SPO11: variants seen among roughly 807,000 people sequenced by gnomAD.
SPO11 encodes the protein meiotic recombination protein SPO11.
A neutral mutation model predicts 51.6 loss-of-function variants in SPO11; 49 were observed. The observed-to-expected ratio is 0.95, with a 90% confidence interval of 0.75 to 1.20. The LOEUF (loss-of-function observed/expected upper bound fraction) is 1.20, where lower values mean the gene tolerates loss of function less well. SPO11 is among the 50% of genes most tolerant of loss of function. SPO11 has a pLI of 0.00. For missense variants in SPO11, 431 were observed against 473.4 expected (o/e 0.91, Z 0.83); for synonymous variants, 176 against 158.2 (o/e 1.11, Z -0.84).
intron 11 of SPO11, 45 bp from the exon 12 acceptor site, chr20:57,342,684 A>G (rs756815894): frequency 7.9e-7 from 1 of 1,265,546 alleles, no homozygotes; most frequent in Non-Finnish European, 1.1e-6. Context: ...CATTCAAGTT[A>G]CAGAAACACT....
At chr20:57,331,667 T>C (rs1169575704) in intron 1 of SPO11, among the ~76,000 whole-genome samples, 166 bp from the exon 2 acceptor site, 1 of 152,176 alleles carries the variant, frequency 6.6e-6, no homozygotes, top group Non-Finnish European at 1.5e-5. Flanking sequence ...TTGACATGGA[T>C]TACCTAGTCT....
At chr20:57,333,928 A>G in intron 4 of SPO11, 59 bp from the exon 5 acceptor site, 1 of 1,083,758 alleles carries the variant, frequency 9.2e-7, no homozygotes, top group African/African-American at 1.6e-5. Context: ...ACACTGTAAT[A>G]CTTGTCATAT....
Position 57,334,308 on chromosome 20 carries a change from C to T in SPO11, c.510+213C>T, listed in dbSNP as rs1403138418. ...TAGCTGGGACTACAGGCGCCTGCCA[C>T]CACGCCCGGCTAATTTTTTGTATTG... On this transcript the variant is annotated intron_variant, in intron 5 of 12. Transcript: ENST00000371263. Among the ~76,000 whole-genome samples the T allele has an allele frequency of 3.9e-5, 6 of 152,216 alleles. No homozygotes were observed. The East Asian group carries it at 7.7e-4, about 20-fold the overall frequency.
chr20:57,342,700 A>T, intron 11 of SPO11, 29 bp from the exon 12 acceptor site: 1 of 1,419,924 alleles, frequency 7.0e-7, no homozygotes, highest in African/African-American at 1.4e-5. Context: ...ACACTTTTTT[A>T]CTGATTTTTT....
intron 2 of SPO11, among the ~76,000 whole-genome samples, chr20:57,332,953 T>C (rs1460798621): frequency 6.6e-6 from 1 of 152,136 alleles, no homozygotes; most frequent in African/African-American, 2.4e-5. Context: ...TCAAAGGTGT[T>C]AGCTCATTTA....
At position 57,343,871 on chromosome 20, in the gene SPO11, A is replaced by G. The variant is rs1568766706; in HGVS notation, c.*411A>G. 1 of 153,582 alleles carries G rather than the reference A, an allele frequency of 6.5e-6. No individual in the cohort carries two copies. Among genetic ancestry groups the G allele is most frequent in the African/African-American group, 2.4e-5 (1 of 41,566 alleles). The allele number at this position is 153,582 out of a possible 1,614,324, so 9.5% of individuals were successfully genotyped here. A position where few individuals can be genotyped will look rare whatever the true frequency, so the allele number is the denominator to read the frequency against. On this transcript the variant is annotated 3_prime_UTR_variant, in exon 13 of 13. Coordinates refer to ENST00000371263, the MANE Select transcript of SPO11 (RefSeq NM_012444.3). ...TCTGAATTTGAGATGTTGCAAATGA[A>G]TTGTGGTGTCCGGTAGTTTCTTCTT...
Position 57,335,404 on chromosome 20 carries a change from C to A in SPO11, c.598-15C>A. 6.3e-7 allele frequency: 1 copy of A among 1,588,750 alleles called. No individual in the cohort carries two copies. The highest frequency in any genetic ancestry group is 8.6e-7 in the Non-Finnish European group (1 of 1,167,072). On this transcript the variant is annotated splice_polypyrimidine_tract_variant and intron_variant, in intron 6 of 12. Transcript: ENST00000371263. ...TTTTGCTTTTTATGTAAGATAAAAA[C>A]TTTTTTTTTAAAAGGCTGTTGCTGT...
At chr20:57,331,315 G>T (rs1192574688) in intron 1 of SPO11, among the ~76,000 whole-genome samples, 3 of 152,210 alleles carry the variant, frequency 2.0e-5, no homozygotes, top group South Asian at 4.1e-4. Context: ...CAAAAGAGCC[G>T]ATTTTAAGGC....
intron 11 of SPO11, among the ~76,000 whole-genome samples, chr20:57,341,799 A>T (rs929322668): frequency 1.3e-5 from 2 of 152,242 alleles, no homozygotes; most frequent in African/African-American, 4.8e-5. Flanking sequence ...GATAATTAGT[A>T]AGGTGAATAG....
chr20:57,333,748 CA>C lies in SPO11; in HGVS notation c.400del (p.Arg134GlyfsTer28). Reference protein sequence around the residue: ...KLVQSNTYATKRDIYYTDSQL... With the variant: ...KLVQSNTYATXRDIYYTDSQL... The stretch of plus-strand genomic sequence containing the variant: ...TAGTACAGAGCAACACTTATGCAAC[CA>C]AAAGGTAAATATATTGTTCTAGTAA... On this transcript the variant is annotated frameshift_variant, in exon 4 of 13. Transcript: ENST00000371263. LOFTEE classifies it high-confidence loss of function. 6.9e-7 allele frequency: 1 copy of C among 1,455,218 alleles called. No homozygotes were observed. The highest frequency in any genetic ancestry group is 9.6e-7 in the Non-Finnish European group (1 of 1,042,992). The allele number at this position is 1,455,218 out of a possible 1,614,324, so 90.1% of individuals were successfully genotyped here.
intron 2 of SPO11, 72 bp downstream of exon 2, chr20:57,332,018 C>T: frequency 2.1e-6 from 2 of 943,988 alleles, no homozygotes; most frequent in Non-Finnish European, 3.1e-6. Context: ...AATTAGAGTT[C>T]TGGTCATATT....
chr20:57,338,154 G>T, intron 8 of SPO11, 122 bp from the exon 9 acceptor site: 1 of 745,808 alleles, frequency 1.3e-6, no homozygotes, highest in Non-Finnish European at 2.2e-6. Flanking sequence ...GCCTCCCAAC[G>T]TGCTGGGATT....
chr20:57,333,317 T>C (rs752933283), intron 3 of SPO11, 41 bp downstream of exon 3: 16 of 1,409,498 alleles, frequency 1.1e-5, no homozygotes, highest in East Asian at 2.3e-5. Context: ...AAAGGATAAA[T>C]AAATTTTGTT....
chr20:57,338,197 T>C (rs892997293), intron 8 of SPO11, 79 bp from the exon 9 acceptor site: 10 of 1,097,874 alleles, frequency 9.1e-6, no homozygotes, highest in African/African-American at 1.6e-5. Context: ...AGCCTAACTT[T>C]TAAATTATTA....
Position 57,342,669 on chromosome 20 carries a change from C to T in SPO11, c.960-60C>T, listed in dbSNP as rs918220374. 2.0e-5 allele frequency: 20 copies of T among 1,025,624 alleles called. No homozygotes were observed. The African/African-American group carries it at 2.1e-4, about 11-fold the overall frequency. The allele number at this position is 1,025,624 out of a possible 1,614,324, so 63.5% of individuals were successfully genotyped here. On this transcript the variant is annotated intron_variant, in intron 11 of 12. Transcript: ENST00000371263. ...TAGTACCATAAATACAGGCAAAATA[C>T]AGGACATTCAAGTTACAGAAACACT...
chr20:57,335,494 T>C (rs749058928), intron 7 of SPO11, 39 bp downstream of exon 7: 1 of 1,578,488 alleles, frequency 6.3e-7, no homozygotes, highest in Non-Finnish European at 8.6e-7. Context: ...ACTTTTGGAA[T>C]GTTCATTCAT....
intron 1 of SPO11, 122 bp downstream of exon 1, chr20:57,330,120 G>A: frequency 1.5e-6 from 2 of 1,356,894 alleles, no homozygotes; most frequent in South Asian, 3.1e-5. Context: ...GGCCAGCCAG[G>A]AACCCCCAAA....
Position 57,333,667 on chromosome 20 carries a change from T to C in SPO11, c.335-20T>C, listed in dbSNP as rs757344510. 3 of 1,290,750 alleles carry C rather than the reference T, an allele frequency of 2.3e-6. No individual in the cohort carries two copies. Among genetic ancestry groups the C allele is most frequent in the Non-Finnish European group, 3.3e-6 (3 of 896,238 alleles). The allele number at this position is 1,290,750 out of a possible 1,614,324, so 80.0% of individuals were successfully genotyped here. On this transcript the variant is annotated intron_variant, in intron 3 of 12. Coordinates refer to ENST00000371263, the MANE Select transcript of SPO11 (RefSeq NM_012444.3). ...TAAGAGAAATGATGAGTAACTTGTT[T>C]GTTGAATTTTATTTTCCAGCTCTAA...
At chr20:57,335,947 A>G (rs763420260) in intron 8 of SPO11, 40 bp downstream of exon 8, 13 of 1,153,602 alleles carry the variant, frequency 1.1e-5, no homozygotes, top group South Asian at 5.0e-5. Flanking sequence ...AGACTAATGT[A>G]TACTGTTATG....
Sources: gnomAD v4.1 joint callset for allele counts (sites outside exome capture counted in the v4.1 genomes callset) on GRCh38, gnomAD v4.1.1 for gene constraint, MANE v1.5 for transcripts, NCBI Gene and HGNC (gene_info 2026-07-23, HGNC 2026-07-21) for gene names.